The following ACCSL variants were observed in gnomAD, a reference collection of about 807,000 sequenced individuals.
ACCSL encodes the protein probable inactive 1-aminocyclopropane-1-carboxylate synthase-like protein 2.
A neutral mutation model predicts 61.7 loss-of-function variants in ACCSL; 55 were observed. That is an observed-to-expected ratio of 0.89 (90% CI 0.72 to 1.12). The LOEUF (loss-of-function observed/expected upper bound fraction) is 1.12, where lower values mean the gene tolerates loss of function less well. Among genes scored for constraint, ACCSL ranks in the 50% most tolerant of loss-of-function variants. ACCSL has a pLI of 0.00. For missense variants in ACCSL, 632 were observed against 698.0 expected (o/e 0.91, Z 1.07); for synonymous variants, 258 against 264.3 (o/e 0.98, Z 0.23).
At chr11:43,968,728 C>T in the ACCSL span, among the ~76,000 whole-genome samples, 6 of 152,138 alleles carry the variant, frequency 3.9e-5, no homozygotes, top group Non-Finnish European at 7.3e-5. Flanking sequence ...GAGATTTCTT[C>T]GTAGATTTTT....
the ACCSL span, among the ~76,000 whole-genome samples, chr11:44,004,872 G>C: frequency 0.091 from 13,847 of 152,236 alleles, 767 homozygotes; most frequent in East Asian, 0.31. Context: ...TTTACAGTTG[G>C]AGAAGCACTG....
chr11:44,035,017 T>C, the ACCSL span, among the ~76,000 whole-genome samples: 115 of 152,290 alleles, frequency 7.6e-4, no homozygotes, highest in African/African-American at 2.7e-3. Context: ...CACTCTCTTA[T>C]CCCAGGGCCT....
At chr11:44,028,795 A>G in the ACCSL span, among the ~76,000 whole-genome samples, 1 of 152,346 alleles carries the variant, frequency 6.6e-6, no homozygotes, top group African/African-American at 2.4e-5. Flanking sequence ...ACTTCTCCAC[A>G]TATGTCATAG....
the ACCSL span, among the ~76,000 whole-genome samples, chr11:43,963,258 A>G: frequency 6.6e-6 from 1 of 152,222 alleles, no homozygotes; most frequent in Non-Finnish European, 1.5e-5. Context: ...GCAGAGATTA[A>G]TAGTGATCCC....
chr11:43,951,118 G>C, the ACCSL span, among the ~76,000 whole-genome samples: 1 of 152,160 alleles, frequency 6.6e-6, no homozygotes, highest in Non-Finnish European at 1.5e-5. Flanking sequence ...GAAGTGGTTG[G>C]AAAGAGCTAG....
the ACCSL span, among the ~76,000 whole-genome samples, chr11:44,016,248 G>A: frequency 6.6e-6 from 1 of 152,214 alleles, no homozygotes; most frequent in Non-Finnish European, 1.5e-5. Flanking sequence ...AGATCCTGCA[G>A]CATTTCTGGA....
In ACCSL at chr11:44,059,953, A is replaced by G. The variant is rs894759931; in HGVS notation, c.*33A>G. On this transcript the variant is annotated 3_prime_UTR_variant, in exon 14 of 14. Transcript: ENST00000378832. ...GCCTCCCAACCAGCAGTTCCAGCCCATCACTTGCTCAGGGACCCCCTAATG... is the reference window on the plus strand; with the variant it reads ...GCCTCCCAACCAGCAGTTCCAGCCCGTCACTTGCTCAGGGACCCCCTAATG... The G allele has an allele frequency of 1.2e-6, 2 of 1,602,536 alleles. No homozygotes were observed. The highest frequency in any genetic ancestry group is 1.3e-5 in the African/African-American group (1 of 74,774).
intron 11 of ACCSL, among the ~76,000 whole-genome samples, chr11:44,057,259 C>T (rs904838464): frequency 6.6e-6 from 1 of 152,130 alleles, no homozygotes; most frequent in African/African-American, 2.4e-5. Context: ...AGAACAGATA[C>T]CAAGCTGAAA....
At chr11:43,997,780 A>T in the ACCSL span, among the ~76,000 whole-genome samples, 1 of 152,244 alleles carries the variant, frequency 6.6e-6, no homozygotes, top group Non-Finnish European at 1.5e-5. Flanking sequence ...ATTAGAGGCT[A>T]GAATTAAGCA....
intron 7 of ACCSL, 130 bp from the exon 8 acceptor site, chr11:44,053,276 G>A: frequency 1.1e-6 from 1 of 916,302 alleles, no homozygotes; most frequent in Non-Finnish European, 1.7e-6. Context: ...TCTTTGGGCA[G>A]TATAGTAGTT....
chr11:43,932,670 C>A, the ACCSL span, among the ~76,000 whole-genome samples: 1 of 152,162 alleles, frequency 6.6e-6, no homozygotes, highest in African/African-American at 2.4e-5. Flanking sequence ...ACCAAGGCTT[C>A]GTGAAAGTCG....
the ACCSL span, among the ~76,000 whole-genome samples, chr11:44,011,080 C>T: frequency 1.3e-5 from 2 of 152,162 alleles, no homozygotes; most frequent in Non-Finnish European, 2.9e-5. Flanking sequence ...AGCCAGAAAC[C>T]CAAGAGCGTA....
the ACCSL span, among the ~76,000 whole-genome samples, chr11:43,985,976 A>C: frequency 3.1e-5 from 4 of 127,500 alleles, no homozygotes; most frequent in Non-Finnish European, 7.2e-5. Context: ...AAATATATAT[A>C]ATAAACAAAC....
At chr11:43,958,178 C>T in the ACCSL span, among the ~76,000 whole-genome samples, 1 of 152,168 alleles carries the variant, frequency 6.6e-6, no homozygotes, top group East Asian at 1.9e-4. Context: ...TAAATTTTAC[C>T]AGCGATTATT....
upstream of ACCSL, among the ~76,000 whole-genome samples, chr11:44,047,409 G>C (rs967161664): frequency 4.6e-5 from 7 of 152,152 alleles, no homozygotes; most frequent in African/African-American, 1.7e-4. Context: ...TTATGTAAAG[G>C]GCCAGACAGT....
the ACCSL span, chr11:43,926,511 C>T: frequency 2.2e-6 from 1 of 455,822 alleles, no homozygotes; most frequent in African/African-American, 2.0e-5. Context: ...TGTTCAAGAC[C>T]AGGGCTTTTA....
At chr11:43,942,075 T>TGTGC in the ACCSL span, among the ~76,000 whole-genome samples, 2 of 138,928 alleles carry the variant, frequency 1.4e-5, no homozygotes, top group African/African-American at 5.3e-5. Flanking sequence ...TGTGTGTGTG[T>TGTGC]GCGCGCGCGC....
At chr11:44,000,383 C>T in the ACCSL span, among the ~76,000 whole-genome samples, 1 of 151,926 alleles carries the variant, frequency 6.6e-6, no homozygotes, top group African/African-American at 2.4e-5. Context: ...CTCTGCCTCC[C>T]AAAGTGCTGG....
the ACCSL span, among the ~76,000 whole-genome samples, chr11:43,931,246 T>C: frequency 0.49 from 74,139 of 152,138 alleles, 18,680 homozygotes; most frequent in Middle Eastern, 0.6. Context: ...TGGGGCGTCA[T>C]GAGTGGGGAG....
Sources: gnomAD v4.1 joint callset for allele counts (sites outside exome capture counted in the v4.1 genomes callset) on GRCh38, gnomAD v4.1.1 for gene constraint, MANE v1.5 for transcripts, NCBI Gene and HGNC (gene_info 2026-07-23, HGNC 2026-07-21) for gene names.